The following RBFOX1 variants were observed in gnomAD, a reference collection of about 807,000 sequenced individuals.
RBFOX1 encodes the protein RNA binding fox-1 homolog 1.
In RBFOX1, 8 loss-of-function variants were observed where a neutral mutation model predicts 57.7. The observed-to-expected ratio is 0.14, with a 90% CI of 0.08 to 0.25. RBFOX1 has a LOEUF of 0.25. RBFOX1 is among the 10% of genes least tolerant of loss of function. The probability of loss-of-function intolerance (pLI) is 1.00; values close to 1 mark genes in which losing one functional copy is unlikely to be tolerated. For synonymous variants in RBFOX1, 326 were observed against 222.4 expected (o/e 1.47, Z -4.15); for missense variants, 611 against 548.5 (o/e 1.11, Z -1.14).
intron 4 of RBFOX1, among the ~76,000 whole-genome samples, chr16:7,123,084 G>A (rs1010450619): frequency 3.3e-5 from 5 of 152,154 alleles, no homozygotes; most frequent in Admixed American, 2.6e-4. Flanking sequence ...GCACAAGAGA[G>A]TTTTTGGGGT....
intron 1 of RBFOX1, among the ~76,000 whole-genome samples, chr16:6,054,242 G>GT (rs1279835514): frequency 1.3e-5 from 2 of 151,856 alleles, no homozygotes; most frequent in Non-Finnish European, 2.9e-5. Flanking sequence ...AATATAATAT[G>GT]TTTTTTTGGG....
At chr16:6,940,048 C>G (rs74008471) in intron 3 of RBFOX1, among the ~76,000 whole-genome samples, 12,451 of 152,166 alleles carry the variant, frequency 0.082, 1,665 homozygotes, top group African/African-American at 0.28. Context: ...AACCCTGTCT[C>G]TACTGAAAAT....
chr16:6,146,456 A>G (rs1445282338), intron 1 of RBFOX1, among the ~76,000 whole-genome samples: 3 of 152,258 alleles, frequency 2.0e-5, no homozygotes, highest in African/African-American at 7.2e-5. Context: ...TGTACATTGT[A>G]GGATGGTTGG....
At chr16:7,549,474 A>C (rs2152535016) in intron 5 of RBFOX1, among the ~76,000 whole-genome samples, 1 of 152,124 alleles carries the variant, frequency 6.6e-6, no homozygotes, top group East Asian at 1.9e-4. Flanking sequence ...TATAAGGGGG[A>C]GTTTATAAAG....
At chr16:7,487,557 T>G (rs1304090093) in intron 4 of RBFOX1, among the ~76,000 whole-genome samples, 3 of 152,178 alleles carry the variant, frequency 2.0e-5, no homozygotes, top group Non-Finnish European at 2.9e-5. Context: ...TTTCCATGTT[T>G]CAGAATTCTC....
chr16:6,555,972 G>C lies in RBFOX1; in HGVS notation c.-63-98631G>C, dbSNP rs372481685. ...CTATTCTGGCATTATTGGATGAAAG[G>C]GGTTCTTTATTGGAACCGACTACAT... On this transcript the variant is annotated intron_variant, in intron 2 of 15. Transcript: ENST00000550418. 3.6e-3 allele frequency among the ~76,000 whole-genome samples: 551 copies of C among 152,144 alleles called. 1 individual carries two copies. Among genetic ancestry groups the C allele is most frequent in the Middle Eastern group, 0.031 (9 of 294 alleles).
intron 4 of RBFOX1, among the ~76,000 whole-genome samples, chr16:7,276,791 A>G (rs1298594582): frequency 2.0e-5 from 3 of 152,210 alleles, no homozygotes; most frequent in African/African-American, 7.2e-5. Flanking sequence ...TGATTATGCT[A>G]CCAAAAATGT....
chr16:7,184,072 C>T (rs1202045095), intron 4 of RBFOX1, among the ~76,000 whole-genome samples: 2 of 152,014 alleles, frequency 1.3e-5, no homozygotes, highest in Non-Finnish European at 2.9e-5. Context: ...GAGAAGAAGG[C>T]AGGATTGGTG....
At chr16:7,461,542 T>C (rs2150551262) in intron 4 of RBFOX1, among the ~76,000 whole-genome samples, 1 of 152,306 alleles carries the variant, frequency 6.6e-6, no homozygotes, top group East Asian at 1.9e-4. Context: ...TGGTTAAGTG[T>C]ATTTCAGATA....
chr16:7,086,315 C>G (rs1261083928), intron 4 of RBFOX1, among the ~76,000 whole-genome samples: 2 of 152,140 alleles, frequency 1.3e-5, no homozygotes, highest in Non-Finnish European at 2.9e-5. Flanking sequence ...AAAAATATCA[C>G]TAATGGTCAA....
chr16:6,312,662 T>G (rs1285839178), intron 1 of RBFOX1, among the ~76,000 whole-genome samples: 3 of 14,636 alleles, frequency 2.0e-4, no homozygotes, highest in African/African-American at 5.7e-4. Flanking sequence ...CTTTCCTTCC[T>G]TCCTTCCTTC....
intron 5 of RBFOX1, among the ~76,000 whole-genome samples, chr16:7,518,747 G>C (rs1330135788): frequency 1.3e-5 from 2 of 152,172 alleles, no homozygotes; most frequent in African/African-American, 2.4e-5. Flanking sequence ...CGGAGGCTGG[G>C]TGTGGTGGCT....
chr16:7,472,337 T>C (rs535905001), intron 4 of RBFOX1, among the ~76,000 whole-genome samples: 1 of 151,642 alleles, frequency 6.6e-6, no homozygotes. Flanking sequence ...GAGGAGGGGA[T>C]CTTCGTCAAC....
At chr16:7,611,111 AT>A (rs2057384303) in intron 10 of RBFOX1, among the ~76,000 whole-genome samples, 1 of 152,194 alleles carries the variant, frequency 6.6e-6, no homozygotes, top group Non-Finnish European at 1.5e-5. Context: ...TAGTGTAATT[AT>A]TTGATTTTCT....
At chr16:6,160,353 T>A (rs1165894338) in intron 1 of RBFOX1, among the ~76,000 whole-genome samples, 1 of 152,226 alleles carries the variant, frequency 6.6e-6, no homozygotes, top group African/African-American at 2.4e-5. Context: ...AGAAGCAGAT[T>A]AAGATATTTA....
At chr16:5,285,065 C>T (rs2063360059) in intron 1 of RBFOX1, among the ~76,000 whole-genome samples, 1 of 151,956 alleles carries the variant, frequency 6.6e-6, no homozygotes, top group Non-Finnish European at 1.5e-5. Context: ...ATGCCTTTAC[C>T]CATCTCATCT....
chr16:7,664,371 G>A (rs182214483), intron 12 of RBFOX1, among the ~76,000 whole-genome samples: 108 of 152,146 alleles, frequency 7.1e-4, no homozygotes, highest in Middle Eastern at 3.4e-3. Context: ...AATAATGCAC[G>A]TGCAATTACC....
At chr16:7,682,615 A>T (rs190694955) in intron 14 of RBFOX1, among the ~76,000 whole-genome samples, 2,138 of 149,314 alleles carry the variant, frequency 0.014, 37 homozygotes, top group African/African-American at 0.041. Context: ...AATTTTTTTT[A>T]AAAAAAAGAT....
At chr16:6,701,576 G>A (rs1239733747) in intron 3 of RBFOX1, among the ~76,000 whole-genome samples, 1 of 152,180 alleles carries the variant, frequency 6.6e-6, no homozygotes, top group African/African-American at 2.4e-5. Flanking sequence ...TGAAGGGGGA[G>A]CAGGAGTGTC....
Sources: gnomAD v4.1 joint callset for allele counts (sites outside exome capture counted in the v4.1 genomes callset) on GRCh38, gnomAD v4.1.1 for gene constraint, MANE v1.5 for transcripts, NCBI Gene and HGNC (gene_info 2026-07-23, HGNC 2026-07-21) for gene names.